The following ST8SIA6 variants were observed in gnomAD, a reference collection of about 807,000 sequenced individuals.
ST8SIA6 encodes the protein alpha-2,8-sialyltransferase 8F.
A neutral mutation model predicts 33.6 loss-of-function variants in ST8SIA6; 39 were observed. The observed-to-expected ratio is 1.16, with a 90% CI of 0.90 to 1.52. The LOEUF (loss-of-function observed/expected upper bound fraction) is 1.52. ST8SIA6 is among the 40% of genes most tolerant of loss of function. The pLI is 0.00. For synonymous variants in ST8SIA6, 172 were observed against 167.2 expected, an observed-to-expected ratio of 1.03 and a Z score of -0.22; for missense variants, 441 against 443.8, an observed-to-expected ratio of 0.99 and a Z score of 0.06.
At chr10:17,378,964 A>C (rs2131641186) in intron 3 of ST8SIA6, among the ~76,000 whole-genome samples, 1 of 152,150 alleles carries the variant, frequency 6.6e-6, no homozygotes, top group African/African-American at 2.4e-5. Context: ...GTTACTACTA[A>C]AAATACAAAA....
chr10:17,437,655 TTCCTTCC>T (rs779252416), intron 2 of ST8SIA6, among the ~76,000 whole-genome samples: 8,254 of 139,502 alleles, frequency 0.059, 872 homozygotes, highest in African/African-American at 0.19. Context: ...CCTTCCTTCC[TTCCTTCC>T]TTCTGTCTCT....
intron 3 of ST8SIA6, among the ~76,000 whole-genome samples, chr10:17,363,495 A>G (rs971894706): frequency 2.0e-5 from 3 of 152,174 alleles, no homozygotes; most frequent in Middle Eastern, 3.2e-3. Flanking sequence ...AGAATACAAT[A>G]AATCCCTCCT....
At position 17,390,799 on chromosome 10, in the gene ST8SIA6, G is replaced by A. The variant is rs200842630; in HGVS notation, c.201-179C>T. The stretch of plus-strand genomic sequence containing the variant: ...ATTTTCACCTCTGATGGGTCTAAAT[G>A]AAAAAAAAAACAAAAAACTTACGCT... On this transcript the variant is annotated intron_variant, in intron 2 of 7. Coordinates refer to ENST00000377602, the MANE Select transcript of ST8SIA6 (RefSeq NM_001004470.3). Among the ~76,000 whole-genome samples the A allele has an allele frequency of 9.4e-4, 131 of 139,282 alleles. 1 individual carries two copies. Among genetic ancestry groups the A allele is most frequent in the African/African-American group, 1.4e-3 (53 of 37,314 alleles). 91.4% of individuals were successfully genotyped at this position (139,282 alleles called of 152,430 possible). A position where few individuals can be genotyped will look rare whatever the true frequency, so the allele number is the denominator to read the frequency against.
chr10:17,346,845 C>G (rs1031985926), intron 4 of ST8SIA6, among the ~76,000 whole-genome samples: 2 of 152,122 alleles, frequency 1.3e-5, no homozygotes, highest in African/African-American at 4.8e-5. Context: ...ATGTATGTCT[C>G]TATGTATCTT....
chr10:17,349,660 T>C (rs556494453), intron 4 of ST8SIA6, among the ~76,000 whole-genome samples: 9 of 152,292 alleles, frequency 5.9e-5, no homozygotes, highest in East Asian at 1.9e-4. Context: ...TAGTAACTTA[T>C]TCACTTACAG....
chr10:17,331,139 G>A (rs1848286084), intron 5 of ST8SIA6, among the ~76,000 whole-genome samples: 4 of 152,156 alleles, frequency 2.6e-5, no homozygotes, highest in Admixed American at 2.6e-4. Context: ...TTACTAAGCA[G>A]GAAGCCCGAG....
At chr10:17,351,536 G>C (rs533560448) in intron 4 of ST8SIA6, among the ~76,000 whole-genome samples, 1 of 146,600 alleles carries the variant, frequency 6.8e-6, no homozygotes, top group Non-Finnish European at 1.5e-5. Flanking sequence ...GACAGCTAAA[G>C]AAAGAAAATG....
At chr10:17,372,514 C>G (rs1431958177) in intron 3 of ST8SIA6, among the ~76,000 whole-genome samples, 2 of 152,146 alleles carry the variant, frequency 1.3e-5, no homozygotes, top group Non-Finnish European at 2.9e-5. Context: ...TCATTTGTCT[C>G]ACTTGTAAAA....
intron 2 of ST8SIA6, 33 bp downstream of exon 2, chr10:17,453,526 G>T (rs1852998400): frequency 7.8e-7 from 1 of 1,275,806 alleles, no homozygotes; most frequent in East Asian, 3.1e-5. Flanking sequence ...CAGCTCCCGA[G>T]CCCCAGTCCG....
intron 4 of ST8SIA6, among the ~76,000 whole-genome samples, chr10:17,333,767 G>A (rs1255248227): frequency 8.6e-6 from 1 of 116,396 alleles, no homozygotes; most frequent in East Asian, 2.9e-4. Context: ...TGTCCCCCAG[G>A]TTGGAGTGCA....
intron 4 of ST8SIA6, among the ~76,000 whole-genome samples, chr10:17,333,725 T>A (rs1197569223): frequency 4.9e-4 from 44 of 89,948 alleles, no homozygotes; most frequent in Non-Finnish European, 7.6e-4. Context: ...ATATTTTTTT[T>A]TTTTTTTTTT....
intron 2 of ST8SIA6, among the ~76,000 whole-genome samples, chr10:17,407,382 C>G (rs1564449951): frequency 6.6e-6 from 1 of 152,194 alleles, no homozygotes; most frequent in Admixed American, 6.5e-5. Context: ...AGGGCCAAAA[C>G]TCCACCCTCA....
chr10:17,437,354 T>C (rs1317901276), intron 2 of ST8SIA6, among the ~76,000 whole-genome samples: 1 of 152,204 alleles, frequency 6.6e-6, no homozygotes. Flanking sequence ...TTTTAGTTTA[T>C]AGAGACATGG....
At chr10:17,336,347 CA>C (rs1300866163) in intron 4 of ST8SIA6, among the ~76,000 whole-genome samples, 1 of 152,104 alleles carries the variant, frequency 6.6e-6, no homozygotes, top group Non-Finnish European at 1.5e-5. Flanking sequence ...CTTGAATAAC[CA>C]GCAGTTAGAT....
chr10:17,425,626 AAAG>A (rs1257042180), intron 2 of ST8SIA6, among the ~76,000 whole-genome samples: 1 of 129,452 alleles, frequency 7.7e-6, no homozygotes, highest in Non-Finnish European at 1.6e-5. Context: ...AGGAAGAAAG[AAAG>A]AAAGAGAGGA....
intron 4 of ST8SIA6, among the ~76,000 whole-genome samples, chr10:17,347,052 T>C (rs970885984): frequency 1.3e-5 from 2 of 152,178 alleles, no homozygotes; most frequent in African/African-American, 2.4e-5. Context: ...TTAAGGCCTT[T>C]AATTGATTGA....
chr10:17,453,457 C>T (rs1852995425), intron 2 of ST8SIA6, 102 bp downstream of exon 2: 5 of 925,046 alleles, frequency 5.4e-6, no homozygotes, highest in Admixed American at 4.3e-5. Flanking sequence ...TCGCGCCGTC[C>T]CAGCCTGCCT....
intron 2 of ST8SIA6, among the ~76,000 whole-genome samples, chr10:17,434,256 ATCT>A (rs1308779483): frequency 6.6e-6 from 1 of 152,168 alleles, no homozygotes; most frequent in Non-Finnish European, 1.5e-5. Flanking sequence ...GTCCCAGAAA[ATCT>A]TCTAAGATTC....
At position 17,437,632 on chromosome 10, in the gene ST8SIA6, TC is replaced by T. The variant is rs1416341674; in HGVS notation, c.200+15926del. ...CTGTTTCCTTCCTTCCTTCCTTCCT[TC>T]CTTCCTTCCTTCCTTCCTTCCTTCC... On this transcript the variant is annotated intron_variant, in intron 2 of 7. Coordinates refer to ENST00000377602, the MANE Select transcript of ST8SIA6 (RefSeq NM_001004470.3). 1.0e-4 allele frequency among the ~76,000 whole-genome samples: 13 copies of T among 126,776 alleles called. No individual in the cohort carries two copies. In the South Asian group the frequency reaches 1.5e-3, roughly 14 times the overall value. 83.2% of individuals were successfully genotyped at this position (126,776 alleles called of 152,430 possible). A position where few individuals can be genotyped will look rare whatever the true frequency, so the allele number is the denominator to read the frequency against.
Sources: allele counts gnomAD v4.1 joint callset (sites outside exome capture counted in the v4.1 genomes callset), GRCh38; gene constraint gnomAD v4.1.1; transcripts MANE v1.5; gene names NCBI Gene and HGNC (gene_info 2026-07-23, HGNC 2026-07-21).